Variants in CR2 observed in about 807,000 individuals in gnomAD.
CR2 encodes the protein complement receptor type 2.
CR2 carries 96 observed loss-of-function variants against 123.0 expected under a neutral mutation model. That is an observed-to-expected ratio of 0.78 (90% confidence interval 0.66 to 0.93). CR2 has a LOEUF of 0.93. Among genes scored for constraint, CR2 ranks in the 40% least tolerant of loss-of-function variants. The pLI is 0.00. For missense variants in CR2, 1,258 were observed against 1,361.0 expected (o/e 0.92, Z 1.19); for synonymous variants, 484 against 469.5 (o/e 1.03, Z -0.40).
chr1:207,458,011 A>G (rs1459532533), intron 1 of CR2, among the ~76,000 whole-genome samples: 2 of 148,362 alleles, frequency 1.3e-5, no homozygotes, highest in African/African-American at 2.6e-5. Flanking sequence ...AGATATACCA[A>G]GTCTGAATGG....
At chr1:207,486,518 T>C (rs1658754096) in intron 19 of CR2, among the ~76,000 whole-genome samples, 1 of 151,678 alleles carries the variant, frequency 6.6e-6, no homozygotes, top group Non-Finnish European at 1.5e-5. Context: ...AAGAGATTGG[T>C]TTTTATTTGG....
At position 207,477,899 on chromosome 1, in the gene CR2, T is replaced by C. The variant is rs771602077; in HGVS notation, c.2917T>C (p.Ser973Pro). ...APHCKEVNCS[S>P]PADMDGIQKG... ...TTTAATTTCAGAGGTAAACTGTAGC[T>C]CACCAGCAGATATGGATGGAATCCA... The change falls in exon 16 of 20, where the codon TCA (serine) becomes CCA (proline). Residue 973 changes from serine to proline, a missense_variant. Physicochemically the swap from Ser to Pro is moderately conservative, Grantham distance 74. Transcript: ENST00000367057. 2 of 1,614,030 alleles carry C rather than the reference T, an allele frequency of 1.2e-6. No homozygotes were observed. Among genetic ancestry groups the C allele is most frequent in the Non-Finnish European group, 1.7e-6 (2 of 1,179,940 alleles).
At position 207,468,637 on chromosome 1, in the gene CR2, G is replaced by C; in HGVS notation, c.556G>C (p.Gly186Arg). Reference sequence around the variant, plus strand: ...GTCTGTGACTTACAGCTGTGAATCTGGTTACTTGCTTGTTGGAGAAAAGAT... The same window carrying C: ...GTCTGTGACTTACAGCTGTGAATCTCGTTACTTGCTTGTTGGAGAAAAGAT... ...GLSVTYSCES[G>R]YLLVGEKIIN... Residue 186 changes from glycine (G) to arginine (R), a missense_variant, in exon 3 of 20, where the codon GGT becomes CGT. Coordinates refer to ENST00000367057, the MANE Select transcript of CR2 (RefSeq NM_001006658.3). 2 of 1,614,004 alleles carry C rather than the reference G, an allele frequency of 1.2e-6. No homozygotes were observed. Among genetic ancestry groups the C allele is most frequent in the Non-Finnish European group, 1.7e-6 (2 of 1,179,966 alleles).
At chr1:207,479,484 G>T (rs904055551) in intron 17 of CR2, among the ~76,000 whole-genome samples, 2 of 152,276 alleles carry the variant, frequency 1.3e-5, no homozygotes, top group South Asian at 2.1e-4. Context: ...TGAACAGCCA[G>T]CTCTTTCTTC....
At position 207,474,948 on chromosome 1, in the gene CR2, G is replaced by GA. The variant is rs1658392475; in HGVS notation, c.2454dup (p.Leu819IlefsTer6). ...ACCAAGGATTCTATCTCCTGGGAGAGAAAAAATTGCAGTGCAGAAGTGATT... is the reference window on the plus strand; with the variant it reads ...ACCAAGGATTCTATCTCCTGGGAGAGAAAAAAATTGCAGTGCAGAAGTGATT... On this transcript the variant is annotated frameshift_variant, in exon 14 of 20. Coordinates refer to ENST00000367057, the MANE Select transcript of CR2 (RefSeq NM_001006658.3). LOFTEE classifies it high-confidence loss of function. 7 of 1,614,120 alleles carry GA rather than the reference G, an allele frequency of 4.3e-6. No homozygotes were observed. The highest frequency in any genetic ancestry group is 4.2e-6 in the Non-Finnish European group (5 of 1,179,996).
intron 6 of CR2, among the ~76,000 whole-genome samples, chr1:207,470,485 G>A (rs1158227762): frequency 6.6e-6 from 1 of 152,146 alleles, no homozygotes; most frequent in East Asian, 1.9e-4. Flanking sequence ...AGAGGCAGGA[G>A]AGGAGTTGCA....
chr1:207,475,234 G>A lies in CR2; in HGVS notation c.2716+18G>A, dbSNP rs762249135. 2 of 1,613,630 alleles carry A rather than the reference G, an allele frequency of 1.2e-6. No individual in the cohort carries two copies. Among genetic ancestry groups the A allele is most frequent in the Non-Finnish European group, 1.7e-6 (2 of 1,179,742 alleles). On this transcript the variant is annotated intron_variant, in intron 14 of 19. Transcript: ENST00000367057. ...CAAAAAAGGTAAGATACTTGGAAGG[G>A]ATAAGTTATGGGATGTTGTACAGAA...
chr1:207,461,341 A>G (rs1206487762), intron 1 of CR2, among the ~76,000 whole-genome samples: 7 of 152,190 alleles, frequency 4.6e-5, no homozygotes, highest in African/African-American at 1.4e-4. Context: ...AGATGGAACA[A>G]TTCTGAGGAT....
chr1:207,478,172 G>T, intron 16 of CR2, 102 bp downstream of exon 16: 2 of 1,238,592 alleles, frequency 1.6e-6, no homozygotes, highest in Non-Finnish European at 2.3e-6. Context: ...AATTGACATA[G>T]GTTTGTGACC....
chr1:207,475,316 A>G, intron 14 of CR2, 100 bp downstream of exon 14: 1 of 1,295,306 alleles, frequency 7.7e-7, no homozygotes, highest in Non-Finnish European at 1.1e-6. Flanking sequence ...AAAGCATCTA[A>G]GAGCTAAGGC....
rs749471642 is a variant in CR2, at chr1:207,466,634, G to C, written c.167G>C (p.Arg56Pro). The C allele has an allele frequency of 1.2e-6, 2 of 1,614,000 alleles. No individual in the cohort carries two copies. Among genetic ancestry groups the C allele is most frequent in the South Asian group, 1.1e-5 (1 of 91,070 alleles). Residue 56 changes from arginine to proline, a missense_variant, in exon 2 of 20, where the codon CGC becomes CCC. Coordinates refer to ENST00000367057, the MANE Select transcript of CR2 (RefSeq NM_001006658.3). ...AGGTACAGTTGTTCAGGTACCTTCC[G>C]CCTCATTGGAGAAAAAAGTCTATTA... Reference protein sequence around the residue: ...VIRYSCSGTFRLIGEKSLLCI... With the variant: ...VIRYSCSGTFPLIGEKSLLCI...
intron 12 of CR2, 48 bp from the exon 13 acceptor site, chr1:207,474,193 G>T (rs773807559): frequency 4.3e-6 from 6 of 1,399,804 alleles, no homozygotes; most frequent in Non-Finnish European, 6.1e-6. Context: ...AGTTTGAAGA[G>T]ATATGATATT....
rs766671758 is a variant in CR2 at position 207,475,018 on chromosome 1, C to G, written c.2518C>G (p.Arg840Gly). 1.6e-5 allele frequency: 26 copies of G among 1,613,982 alleles called. No homozygotes were observed. The highest frequency in any genetic ancestry group is 2.1e-5 in the Non-Finnish European group (25 of 1,179,990). ...GAGCGGGCCTTCCCCACAGTGCTTA[C>G]GATCTCCTCCTGTGACTCGCTGCCC... Reference protein sequence around the residue: ...SWSGPSPQCLRSPPVTRCPNP... With the variant: ...SWSGPSPQCLGSPPVTRCPNP... Residue 840 changes from arginine (R) to glycine (G), a missense_variant, in exon 14 of 20, where the codon CGA becomes GGA. Transcript: ENST00000367057.
intron 5 of CR2, 58 bp from the exon 6 acceptor site, chr1:207,469,637 G>A (rs1658204244): frequency 7.4e-6 from 11 of 1,483,934 alleles, no homozygotes; most frequent in South Asian, 1.1e-5. Context: ...AGCATCTGGG[G>A]CATTCTTTGT....
intron 6 of CR2, among the ~76,000 whole-genome samples, chr1:207,470,427 A>G (rs1433096818): frequency 6.6e-6 from 1 of 152,186 alleles, no homozygotes; most frequent in African/African-American, 2.4e-5. Flanking sequence ...CTAGGGATAT[A>G]TCAGAATCTC....
Position 207,454,371 on chromosome 1 carries a change from G to T in CR2, c.-48G>T. ...CCTTGCCCTCCCAGAGCTGCCGGACGCTCGCGGGTCTCGGAACGCATCCCG... is the reference window on the plus strand; with the variant it reads ...CCTTGCCCTCCCAGAGCTGCCGGACTCTCGCGGGTCTCGGAACGCATCCCG... On this transcript the variant is annotated 5_prime_UTR_variant, in exon 1 of 20. Transcript: ENST00000367057. The surrounding 1 kb of genome is among the most constrained non-coding windows in gnomAD (Gnocchi z 4.3). The T allele has an allele frequency of 6.6e-7, 1 of 1,520,356 alleles. No individual in the cohort carries two copies. The allele number at this position is 1,520,356 out of a possible 1,614,324, so 94.2% of individuals were successfully genotyped here.
chr1:207,458,568 A>G lies in CR2; in HGVS notation c.58+4092A>G, dbSNP rs546210885. ...TCTGTCTGTCCCTGGAGCATACCAA[A>G]TCCATTCCTCCTGTTAGGCCTCTGC... On this transcript the variant is annotated intron_variant, in intron 1 of 19. Coordinates refer to ENST00000367057, the MANE Select transcript of CR2 (RefSeq NM_001006658.3). Among the ~76,000 whole-genome samples, 19 of 152,202 alleles carry G rather than the reference A, an allele frequency of 1.2e-4. No individual in the cohort carries two copies. The East Asian group carries it at 3.5e-3, about 28-fold the overall frequency.
intron 14 of CR2, among the ~76,000 whole-genome samples, chr1:207,475,680 A>G (rs1488929969): frequency 1.3e-5 from 2 of 152,202 alleles, no homozygotes; most frequent in Non-Finnish European, 2.9e-5. Flanking sequence ...ATTCCTGTCC[A>G]TGACTATCTA....
intron 6 of CR2, 96 bp from the exon 7 acceptor site, chr1:207,470,644 G>A: frequency 8.2e-7 from 1 of 1,214,718 alleles, no homozygotes; most frequent in Non-Finnish European, 1.2e-6. Flanking sequence ...TGACGCCAGA[G>A]TGGAATTATA....
Sources: gnomAD v4.1 joint callset for allele counts (sites outside exome capture counted in the v4.1 genomes callset) on GRCh38, gnomAD v4.1.1 for gene constraint, Gnocchi (gnomAD v3.1) non-coding constraint, MANE v1.5 for transcripts, NCBI Gene and HGNC (gene_info 2026-07-23, HGNC 2026-07-21) for gene names.